The following CHI3L2 variants were observed in gnomAD, a reference collection of about 807,000 sequenced individuals.
CHI3L2 encodes the protein chitinase-3-like protein 2.
A neutral mutation model predicts 47.3 loss-of-function variants in CHI3L2; 47 were observed. That is an observed-to-expected ratio of 0.99 (90% confidence interval 0.79 to 1.27). The LOEUF is 1.27. Ranked by LOEUF, CHI3L2 falls within the 50% of genes most tolerant of loss-of-function variation. CHI3L2 has a pLI of 0.00. For synonymous variants in CHI3L2, 198 were observed against 169.9 expected (o/e 1.17, Z -1.28); for missense variants, 497 against 462.1 (o/e 1.08, Z -0.69).
At chr1:111,231,169 C>G (rs1157929740) in intron 3 of CHI3L2, 69 bp from the exon 4 acceptor site, 20 of 1,357,734 alleles carry the variant, frequency 1.5e-5, no homozygotes, top group Non-Finnish European at 2.1e-5. Flanking sequence ...CACTTAAGAA[C>G]TCTGTTCTTT....
intron 1 of CHI3L2, among the ~76,000 whole-genome samples, chr1:111,228,745 C>T (rs368938534): frequency 1.8e-4 from 27 of 152,302 alleles, no homozygotes; most frequent in African/African-American, 5.1e-4. Context: ...TTTTGGCTGC[C>T]CCTTTCTTCA....
intron 4 of CHI3L2, among the ~76,000 whole-genome samples, chr1:111,233,666 C>T (rs1044291150): frequency 6.6e-6 from 1 of 151,956 alleles, no homozygotes; most frequent in African/African-American, 2.4e-5. Flanking sequence ...CCCCTCTGCC[C>T]GGCCACCACC....
At chr1:111,234,701 T>C (rs1005744525) in intron 4 of CHI3L2, among the ~76,000 whole-genome samples, 5 of 152,238 alleles carry the variant, frequency 3.3e-5, no homozygotes, top group African/African-American at 1.2e-4. Flanking sequence ...GCAGAGAATC[T>C]AGTCTTCCTT....
chr1:111,234,727 A>G (rs905347024), intron 4 of CHI3L2, among the ~76,000 whole-genome samples, 180 bp from the exon 5 acceptor site: 1 of 152,238 alleles, frequency 6.6e-6, no homozygotes, highest in Non-Finnish European at 1.5e-5. Flanking sequence ...GGCTGGATCA[A>G]TGTTCCGGCC....
rs200575426 is a variant in CHI3L2, at chr1:111,241,493, T to C, written c.1035+50T>C. On this transcript the variant is annotated intron_variant, in intron 9 of 10. Transcript: ENST00000369748. ...CCTTTAGGTGGGGAATGGTGATATGTAGTAAAATGCCTGAATACTCTATGT... is the reference window on the plus strand; with the variant it reads ...CCTTTAGGTGGGGAATGGTGATATGCAGTAAAATGCCTGAATACTCTATGT... 1.1e-3 allele frequency: 1,037 copies of C among 931,420 alleles called. 2 individuals carry two copies. Among genetic ancestry groups the C allele is most frequent in the Middle Eastern group, 9.8e-3 (46 of 4,674 alleles). 57.7% of individuals were successfully genotyped at this position (931,420 alleles called of 1,614,324 possible).
At chr1:111,235,161 T>C (rs1359370750) in intron 5 of CHI3L2, 104 bp downstream of exon 5, 7 of 1,250,758 alleles carry the variant, frequency 5.6e-6, no homozygotes, top group Non-Finnish European at 6.7e-6. Context: ...AAGGAGGAGA[T>C]TGAGTCTAAC....
intron 3 of CHI3L2, 120 bp downstream of exon 3, chr1:111,231,063 G>A (rs1659704217): frequency 2.0e-6 from 2 of 1,010,154 alleles, no homozygotes; most frequent in South Asian, 1.4e-5. Context: ...TTCTCTGGGT[G>A]TATTTCTGAT....
chr1:111,242,044 T>C (rs1353998631), intron 9 of CHI3L2, among the ~76,000 whole-genome samples, 183 bp from the exon 10 acceptor site: 1 of 152,200 alleles, frequency 6.6e-6, no homozygotes, highest in African/African-American at 2.4e-5. Context: ...GAGATGTAGC[T>C]AATGCTGATT....
chr1:111,239,777 A>T (rs528097372), intron 8 of CHI3L2, among the ~76,000 whole-genome samples: 1 of 152,244 alleles, frequency 6.6e-6, no homozygotes, highest in South Asian at 2.1e-4. Flanking sequence ...AGGGGAAGAT[A>T]TAAATCTAAC....
At position 111,229,886 on chromosome 1, in the gene CHI3L2, G is replaced by C. The variant is rs774479360; in HGVS notation, c.70+5G>C. 6.2e-7 allele frequency: 1 copy of C among 1,613,720 alleles called. No homozygotes were observed. Among genetic ancestry groups the C allele is most frequent in the East Asian group, 2.2e-5 (1 of 44,890 alleles). On this transcript the variant is annotated splice_donor_5th_base_variant and intron_variant, in intron 2 of 10. Coordinates refer to ENST00000369748, the MANE Select transcript of CHI3L2 (RefSeq NM_004000.3). Reference sequence around the variant, plus strand: ...TCTTGCTGCTTCTCCAGGGAGGTAAGTAGTCAATAAGTCACTACCGCCTGG... The same window carrying C: ...TCTTGCTGCTTCTCCAGGGAGGTAACTAGTCAATAAGTCACTACCGCCTGG...
chr1:111,238,866 C>T lies in CHI3L2; in HGVS notation c.852C>T (p.Ala284=), dbSNP rs757122419. ...CCTCTGCAGAAACCACCGTGGGGGC[C>T]CCTGCCTCTGGCCCTGGAGCTGCTG... The part of the protein sequence containing the change: ...TLASAETTVG[A]PASGPGAAGP... Residue 284 remains alanine (A), a synonymous_variant, in exon 8 of 11, where the codon GCC becomes GCT. Coordinates refer to ENST00000369748, the MANE Select transcript of CHI3L2 (RefSeq NM_004000.3). 2 of 1,613,550 alleles carry T rather than the reference C, an allele frequency of 1.2e-6. No individual in the cohort carries two copies. Among genetic ancestry groups the T allele is most frequent in the East Asian group, 2.2e-5 (1 of 44,824 alleles).
rs1659659595 is a variant in CHI3L2, at chr1:111,229,856, A to G, written c.45A>G (p.Val15=). 2 of 1,613,802 alleles carry G rather than the reference A, an allele frequency of 1.2e-6. No individual in the cohort carries two copies. Among genetic ancestry groups the G allele is most frequent in the Non-Finnish European group, 1.7e-6 (2 of 1,179,910 alleles). ...CTTTCCACCCATCTATTGCAGGTGT[A>G]GTGGTCTTGCTGCTTCTCCAGGGAG... ...TMDQKSLWAG[V]VVLLLLQGGS... The change falls in exon 2 of 11, where the codon GTA becomes GTG. Residue 15 remains valine, a synonymous_variant. Coordinates refer to ENST00000369748, the MANE Select transcript of CHI3L2 (RefSeq NM_004000.3).
At chr1:111,231,006 C>G (rs992686151) in intron 3 of CHI3L2, 63 bp downstream of exon 3, 2 of 1,312,004 alleles carry the variant, frequency 1.5e-6, no homozygotes. Context: ...TGGTCTTAAG[C>G]TGACACTAAG....
intron 9 of CHI3L2, 72 bp downstream of exon 9, chr1:111,241,515 A>G (rs1461348202): frequency 8.7e-6 from 7 of 808,646 alleles, no homozygotes; most frequent in African/African-American, 5.1e-5. Context: ...TGAATACTCT[A>G]TGTTCAAAGA....
intron 1 of CHI3L2, 119 bp from the exon 2 acceptor site, chr1:111,229,733 C>A: frequency 7.2e-7 from 1 of 1,391,056 alleles, no homozygotes; most frequent in Non-Finnish European, 9.5e-7. Flanking sequence ...GGCTGGGGAG[C>A]CCAGATGAAG....
chr1:111,241,273 C>T (rs1660045653), intron 8 of CHI3L2, 54 bp from the exon 9 acceptor site: 4 of 990,106 alleles, frequency 4.0e-6, no homozygotes, highest in East Asian at 2.4e-5. Context: ...CTACCCCAAC[C>T]AAGTTTCAAG....
At chr1:111,242,410 A>C (rs2101559855) in intron 10 of CHI3L2, 44 bp downstream of exon 10, 1 of 1,550,900 alleles carries the variant, frequency 6.4e-7, no homozygotes, top group Middle Eastern at 2.1e-4. Flanking sequence ...ACAGCTGGGC[A>C]GAACAGGGCA....
intron 1 of CHI3L2, among the ~76,000 whole-genome samples, chr1:111,228,131 A>G (rs1479243431): frequency 6.6e-6 from 1 of 152,080 alleles, no homozygotes; most frequent in African/African-American, 2.4e-5. Context: ...CTGTGGTTAT[A>G]TTTTACAACT....
chr1:111,237,041 C>T (rs1659907439), intron 7 of CHI3L2, among the ~76,000 whole-genome samples: 1 of 152,188 alleles, frequency 6.6e-6, no homozygotes, highest in African/African-American at 2.4e-5. Context: ...AATGCAAGAT[C>T]TGCAAAATAT....
Sources: gnomAD v4.1 joint callset for allele counts (sites outside exome capture counted in the v4.1 genomes callset) on GRCh38, gnomAD v4.1.1 for gene constraint, MANE v1.5 for transcripts, NCBI Gene and HGNC (gene_info 2026-07-23, HGNC 2026-07-21) for gene names.